Variants in EYA2 observed in about 807,000 individuals in gnomAD.
EYA2 encodes EYA transcriptional coactivator and phosphatase 2.
In EYA2, 31 loss-of-function variants were observed where a neutral mutation model predicts 69.2. That is an observed-to-expected ratio of 0.45 (90% CI 0.34 to 0.60). The LOEUF (loss-of-function observed/expected upper bound fraction) is 0.60, where lower values mean the gene tolerates loss of function less well. Among genes scored for constraint, EYA2 ranks in the 20% least tolerant of loss-of-function variants. The pLI is 0.02. For missense variants in EYA2, 622 were observed against 701.2 expected (o/e 0.89, Z 1.28); for synonymous variants, 257 against 279.4 (o/e 0.92, Z 0.80).
At chr20:46,963,572 T>G (rs1600586462) in intron 1 of EYA2, among the ~76,000 whole-genome samples, 1 of 152,202 alleles carries the variant, frequency 6.6e-6, no homozygotes, top group Non-Finnish European at 1.5e-5. Context: ...CTAGGGGTCT[T>G]CCATACTCAC....
intron 10 of EYA2, among the ~76,000 whole-genome samples, chr20:47,148,058 C>CAA (rs1264883844): frequency 4.8e-5 from 4 of 82,830 alleles, no homozygotes; most frequent in Non-Finnish European, 7.3e-5. Context: ...GACTCTGTCT[C>CAA]AAAAAAAAAA....
rs188842330 is a variant in EYA2, at chr20:47,086,177, G to C, written c.662-3062G>C. On this transcript the variant is annotated intron_variant, in intron 7 of 15. Coordinates refer to ENST00000327619, the MANE Select transcript of EYA2 (RefSeq NM_005244.5). ...GCTATAAAGAAATACCTGAGACTGG[G>C]TAATTTATAAAGAAAAGAGGTTTAA... Among the ~76,000 whole-genome samples the C allele has an allele frequency of 1.9e-3, 290 of 152,232 alleles. 1 individual carries two copies. Among genetic ancestry groups the C allele is most frequent in the African/African-American group, 6.1e-3 (253 of 41,540 alleles).
At chr20:46,961,690 A>T (rs1366811701) in intron 1 of EYA2, among the ~76,000 whole-genome samples, 1 of 152,262 alleles carries the variant, frequency 6.6e-6, no homozygotes, top group Non-Finnish European at 1.5e-5. Context: ...CTATTCAGCC[A>T]TAAAAAGGAA....
At chr20:47,121,976 C>T (rs574020947) in intron 9 of EYA2, among the ~76,000 whole-genome samples, 1 of 152,296 alleles carries the variant, frequency 6.6e-6, no homozygotes, top group East Asian at 1.9e-4. Context: ...CCACACCTGG[C>T]CCTTAAACAT....
chr20:47,141,840 G>A (rs918804714), intron 9 of EYA2, among the ~76,000 whole-genome samples: 4 of 152,196 alleles, frequency 2.6e-5, no homozygotes, highest in Non-Finnish European at 5.9e-5. Flanking sequence ...AAAGCAAGTT[G>A]CATGGTCCAA....
intron 9 of EYA2, 114 bp from the exon 10 acceptor site, chr20:47,142,945 C>T (rs1422066841): frequency 5.1e-5 from 37 of 732,440 alleles, no homozygotes; most frequent in Non-Finnish European, 7.0e-5. Context: ...ACGCGTGAGC[C>T]GAGCAGATGA....
chr20:47,002,240 A>G (rs1402798475), intron 3 of EYA2, among the ~76,000 whole-genome samples: 1 of 151,784 alleles, frequency 6.6e-6, no homozygotes, highest in Non-Finnish European at 1.5e-5. Context: ...CATGCAGAAC[A>G]TGCAGGTTTG....
At chr20:47,012,825 C>A (rs1211039691) in intron 4 of EYA2, among the ~76,000 whole-genome samples, 1 of 152,170 alleles carries the variant, frequency 6.6e-6, no homozygotes, top group Non-Finnish European at 1.5e-5. Context: ...ATACTAAATA[C>A]AAGTCTGGAG....
intron 1 of EYA2, among the ~76,000 whole-genome samples, chr20:46,907,207 C>T (rs1216294002): frequency 6.6e-6 from 1 of 152,160 alleles, no homozygotes. Context: ...GGCACAAATG[C>T]AGTTTGGTAT....
intron 9 of EYA2, among the ~76,000 whole-genome samples, chr20:47,119,654 G>T (rs989199600): frequency 3.3e-5 from 5 of 152,192 alleles, no homozygotes; most frequent in African/African-American, 7.2e-5. Flanking sequence ...AGGGACTGGG[G>T]GTAGTGGGGA....
intron 1 of EYA2, among the ~76,000 whole-genome samples, chr20:46,937,182 A>G (rs1985946471): frequency 6.6e-6 from 1 of 152,250 alleles, no homozygotes; most frequent in African/African-American, 2.4e-5. Flanking sequence ...CAGTTAGGGC[A>G]TTGGAGTTGA....
chr20:46,939,177 G>A (rs1356862770), intron 1 of EYA2, among the ~76,000 whole-genome samples: 1 of 152,214 alleles, frequency 6.6e-6, no homozygotes, highest in African/African-American at 2.4e-5. Flanking sequence ...TGGTGACAGC[G>A]ATTGGTTCAG....
chr20:47,051,080 A>C (rs1172803161), intron 5 of EYA2, among the ~76,000 whole-genome samples: 4 of 152,272 alleles, frequency 2.6e-5, no homozygotes, highest in Non-Finnish European at 5.9e-5. Context: ...CTTTTTGGAC[A>C]GTCACTCTGT....
At chr20:46,922,840 C>T (rs1252561464) in intron 1 of EYA2, among the ~76,000 whole-genome samples, 1 of 152,112 alleles carries the variant, frequency 6.6e-6, no homozygotes, top group Non-Finnish European at 1.5e-5. Flanking sequence ...ATAATAGTCA[C>T]TATGCAGTGC....
chr20:46,943,991 A>G (rs1221280090), intron 1 of EYA2, among the ~76,000 whole-genome samples: 3 of 152,164 alleles, frequency 2.0e-5, no homozygotes, highest in Non-Finnish European at 1.5e-5. Context: ...GACTTGTGCC[A>G]AAAACAAGCA....
chr20:47,125,047 G>GTT (rs11478823), intron 9 of EYA2, among the ~76,000 whole-genome samples: 300 of 88,362 alleles, frequency 3.4e-3, no homozygotes, highest in East Asian at 7.5e-3. Flanking sequence ...TTTTGGTTAA[G>GTT]TTTTTTTTTT....
chr20:47,113,555 A>T (rs2868854), intron 9 of EYA2, among the ~76,000 whole-genome samples: 58,680 of 152,126 alleles, frequency 0.39, 13,938 homozygotes, highest in East Asian at 0.53. Flanking sequence ...ATGGGTGCTC[A>T]TGCCAGGAGC....
At chr20:47,137,494 C>A (rs1003376742) in intron 9 of EYA2, among the ~76,000 whole-genome samples, 1 of 152,074 alleles carries the variant, frequency 6.6e-6, no homozygotes, top group Non-Finnish European at 1.5e-5. Context: ...GGTCAGTGGC[C>A]CGAAAGAGCA....
intron 3 of EYA2, among the ~76,000 whole-genome samples, chr20:47,002,246 G>C (rs1490449855): frequency 6.6e-6 from 1 of 151,504 alleles, no homozygotes; most frequent in Non-Finnish European, 1.5e-5. Context: ...GAACATGCAG[G>C]TTTGTTACAT....
Sources: allele counts gnomAD v4.1 joint callset (sites outside exome capture counted in the v4.1 genomes callset), GRCh38; gene constraint gnomAD v4.1.1; transcripts MANE v1.5; gene names NCBI Gene and HGNC (gene_info 2026-07-23, HGNC 2026-07-21).